The following HEATR5A variants were observed in gnomAD, a reference collection of about 807,000 sequenced individuals.
HEATR5A encodes the protein HEAT repeat-containing protein 5A.
Under a neutral mutation model 218.8 loss-of-function variants are expected in HEATR5A, and 178 were observed. That is an observed-to-expected ratio of 0.81 (90% CI 0.72 to 0.92). HEATR5A has a LOEUF of 0.92. HEATR5A is among the 40% of genes least tolerant of loss of function. HEATR5A has a pLI of 0.00. For missense variants in HEATR5A, 2,420 were observed against 2,418.9 expected (o/e 1.00, Z -0.01); for synonymous variants, 864 against 871.6 (o/e 0.99, Z 0.15).
Position 31,333,781 on chromosome 14 carries a change from C to T in HEATR5A, c.3367+3695G>A, listed in dbSNP as rs576272132. 1.4e-4 allele frequency among the ~76,000 whole-genome samples: 21 copies of T among 151,862 alleles called. No homozygotes were observed. In the South Asian group the frequency reaches 4.2e-3, roughly 30 times the overall value. ...GCATGGTGGCTCACACCTGTAATCC[C>T]AGCACTTTGGGAGGCTGAGGCAGGT... On this transcript the variant is annotated intron_variant, in intron 22 of 35. Coordinates refer to ENST00000543095, the MANE Select transcript of HEATR5A (RefSeq NM_015473.4).
chr14:31,306,767 T>C lies in HEATR5A; in HGVS notation c.4931A>G (p.Gln1644Arg). The C allele has an allele frequency of 6.2e-7, 1 of 1,613,020 alleles. No homozygotes were observed. The highest frequency in any genetic ancestry group is 1.1e-5 in the South Asian group (1 of 90,804). The change falls in exon 31 of 36, where the codon CAA (glutamine) becomes CGA (arginine). Residue 1644 changes from glutamine (Q) to arginine (R), a missense_variant. By Grantham distance (43) the Gln-to-Arg change is conservative (BLOSUM62 1). Coordinates refer to ENST00000543095, the MANE Select transcript of HEATR5A (RefSeq NM_015473.4). ...TCGTCTTTTTTCCTTCACATGTTCT[T>C]GAGCAGCACAGATAATCTGCCTTAC... is the stretch of plus-strand genomic sequence containing the variant. ...EVVRQIICAA[Q>R]EHVKEKRRSA... is the part of the protein sequence containing the mutation.
chr14:31,309,863 C>T (rs1899680963), intron 28 of HEATR5A, among the ~76,000 whole-genome samples: 1 of 151,564 alleles, frequency 6.6e-6, no homozygotes, highest in Admixed American at 6.6e-5. Flanking sequence ...CCACCACGCC[C>T]AGCTAATTTT....
chr14:31,380,741 A>C (rs2029945678), intron 10 of HEATR5A, among the ~76,000 whole-genome samples, 163 bp from the exon 11 acceptor site: 1 of 152,230 alleles, frequency 6.6e-6, no homozygotes, highest in African/African-American at 2.4e-5. Flanking sequence ...GTCATAAAGG[A>C]AACTATAAAA....
At chr14:31,312,484 C>A (rs780915674) in intron 28 of HEATR5A, among the ~76,000 whole-genome samples, 2 of 151,330 alleles carry the variant, frequency 1.3e-5, no homozygotes, top group Non-Finnish European at 2.9e-5. Context: ...ACGATCTCAG[C>A]TCACTGCAAC....
At position 31,402,992 on chromosome 14, in the gene HEATR5A, C is replaced by T. The variant is rs779740387; in HGVS notation, c.-17G>A. ...TAATTCCATTCCTTGCAGCAATCCT[C>T]CCAGCTGATCACAGTTCTTCTCGTT... On this transcript the variant is annotated 5_prime_UTR_variant, in exon 2 of 36. Transcript: ENST00000543095. 37 of 1,532,774 alleles carry T rather than the reference C, an allele frequency of 2.4e-5. No individual in the cohort carries two copies. The South Asian group carries it at 3.8e-4, about 16-fold the overall frequency. 94.9% of individuals were successfully genotyped at this position (1,532,774 alleles called of 1,614,324 possible).
At position 31,388,472 on chromosome 14, in the gene HEATR5A, T is replaced by C. The variant is rs546309412; in HGVS notation, c.933+373A>G. On this transcript the variant is annotated intron_variant, in intron 7 of 35. Coordinates refer to ENST00000543095, the MANE Select transcript of HEATR5A (RefSeq NM_015473.4). ...GGGTTAAAGCCACATAAAATGTTTA[T>C]TTCACCTATGCTAAACAATTATGTA... is the stretch of plus-strand genomic sequence containing the variant. 2.1e-3 allele frequency among the ~76,000 whole-genome samples: 324 copies of C among 152,320 alleles called. 1 individual carries two copies. Among genetic ancestry groups the C allele is most frequent in the African/African-American group, 7.3e-3 (304 of 41,584 alleles).
rs530725699 is a variant in HEATR5A, at chr14:31,292,476, A to G, written c.*829T>C. 4 of 152,328 alleles carry G rather than the reference A, an allele frequency of 2.6e-5. No homozygotes were observed. Among genetic ancestry groups the G allele is most frequent in the African/African-American group, 9.6e-5 (4 of 41,578 alleles). 9.4% of individuals were successfully genotyped at this position (152,328 alleles called of 1,614,324 possible). A position where few individuals can be genotyped will look rare whatever the true frequency, so the allele number is the denominator to read the frequency against. On this transcript the variant is annotated 3_prime_UTR_variant, in exon 36 of 36. Coordinates refer to ENST00000543095, the MANE Select transcript of HEATR5A (RefSeq NM_015473.4). ...TGTAAGGCTGTAAGTAATTTGTACT[A>G]TTGTATACTGGATAATCCTAGACCA...
chr14:31,331,230 G>A (rs1451456032), intron 22 of HEATR5A, among the ~76,000 whole-genome samples: 3 of 151,990 alleles, frequency 2.0e-5, no homozygotes, highest in Admixed American at 6.6e-5. Context: ...ATGAGCCACC[G>A]CACCCAGCCT....
intron 11 of HEATR5A, among the ~76,000 whole-genome samples, chr14:31,375,774 G>GAAT (rs768677592): frequency 3.5e-4 from 54 of 152,140 alleles, no homozygotes; most frequent in Non-Finnish European, 6.8e-4. Flanking sequence ...TGTCTGAATA[G>GAAT]AATACTTTTT....
chr14:31,308,881 A>AC lies in HEATR5A; in HGVS notation c.4690+52_4690+53insG, dbSNP rs144369949. ...AAGAGCAAAACTCCATCTCAAAAAA[A>AC]AAAAAACAAAAAACCCCTAAGGTTG... is the stretch of plus-strand genomic sequence containing the variant. On this transcript the variant is annotated intron_variant, in intron 29 of 35. Transcript: ENST00000543095. 2.7e-6 allele frequency: 4 copies of AC among 1,505,452 alleles called. No individual in the cohort carries two copies. The Admixed American group carries it at 9.8e-5, about 37-fold the overall frequency. The allele number at this position is 1,505,452 out of a possible 1,614,324, so 93.3% of individuals were successfully genotyped here. A position where few individuals can be genotyped will look rare whatever the true frequency, so the allele number is the denominator to read the frequency against.
Position 31,334,344 on chromosome 14 carries a change from G to C in HEATR5A, c.3367+3132C>G, listed in dbSNP as rs1595108138. On this transcript the variant is annotated intron_variant, in intron 22 of 35. Coordinates refer to ENST00000543095, the MANE Select transcript of HEATR5A (RefSeq NM_015473.4). ...AAAAAATACATTTTATAAGGCTACA[G>C]CTGCCACAGACGGATGGATCCAGGC... 3 of 446,960 alleles carry C rather than the reference G, an allele frequency of 6.7e-6. 1 individual carries two copies. The highest frequency in any genetic ancestry group is 9.0e-6 in the Non-Finnish European group (2 of 223,258). 27.7% of individuals were successfully genotyped at this position (446,960 alleles called of 1,614,324 possible). A position where few individuals can be genotyped will look rare whatever the true frequency, so the allele number is the denominator to read the frequency against.
intron 7 of HEATR5A, 130 bp downstream of exon 7, chr14:31,388,715 T>G (rs961657270): frequency 3.5e-5 from 22 of 624,432 alleles, no homozygotes; most frequent in Admixed American, 3.1e-4. Context: ...GCCTTACCAT[T>G]TATATCTATT....
At chr14:31,417,349 G>C (rs1566788435) in intron 1 of HEATR5A, among the ~76,000 whole-genome samples, 1 of 152,002 alleles carries the variant, frequency 6.6e-6, no homozygotes, top group African/African-American at 2.4e-5. Flanking sequence ...CACGAGGTCA[G>C]AAGATGGGAG....
At chr14:31,361,734 A>C (rs990182042) in intron 14 of HEATR5A, among the ~76,000 whole-genome samples, 1 of 152,202 alleles carries the variant, frequency 6.6e-6, no homozygotes, top group African/African-American at 2.4e-5. Flanking sequence ...CAAAACTAAG[A>C]CAGGAAATAA....
chr14:31,377,002 A>G (rs1034461867), intron 11 of HEATR5A, among the ~76,000 whole-genome samples: 1 of 152,054 alleles, frequency 6.6e-6, no homozygotes, highest in Non-Finnish European at 1.5e-5. Flanking sequence ...GTGTAAACCT[A>G]TAGTCCTAGC....
intron 6 of HEATR5A, among the ~76,000 whole-genome samples, chr14:31,390,010 T>G (rs537728940): frequency 1.3e-5 from 2 of 152,196 alleles, no homozygotes; most frequent in South Asian, 4.2e-4. Flanking sequence ...AAATAGGGTA[T>G]TGGGGTAAGA....
chr14:31,397,958 T>A (rs1210929734), intron 4 of HEATR5A, among the ~76,000 whole-genome samples: 1 of 152,218 alleles, frequency 6.6e-6, no homozygotes, highest in Non-Finnish European at 1.5e-5. Context: ...CATGTTTTTA[T>A]ATTTAAAGGT....
At chr14:31,313,958 AT>A (rs1429494722) in intron 27 of HEATR5A, among the ~76,000 whole-genome samples, 2 of 151,784 alleles carry the variant, frequency 1.3e-5, no homozygotes, top group Non-Finnish European at 2.9e-5. Context: ...TTTTATTTTT[AT>A]TTTTTTGAGA....
chr14:31,308,087 A>T, intron 29 of HEATR5A, 67 bp from the exon 30 acceptor site: 1 of 1,414,292 alleles, frequency 7.1e-7, no homozygotes, highest in Non-Finnish European at 9.5e-7. Flanking sequence ...TAAGTAATTA[A>T]TCTTATATTT....
Sources: allele counts gnomAD v4.1 joint callset (sites outside exome capture counted in the v4.1 genomes callset), GRCh38; gene constraint gnomAD v4.1.1; transcripts MANE v1.5; gene names NCBI Gene and HGNC (gene_info 2026-07-23, HGNC 2026-07-21).